Variants in AK5 observed in about 807,000 individuals in gnomAD.
The protein encoded by AK5 is adenylate kinase isoenzyme 5.
AK5 carries 27 observed loss-of-function variants against 69.5 expected under a neutral mutation model. The observed-to-expected ratio is 0.39, with a 90% CI of 0.29 to 0.54. The LOEUF is 0.54. AK5 is among the 20% of genes least tolerant of loss of function. AK5 has a pLI of 0.71. For missense variants in AK5, 531 were observed against 700.4 expected (o/e 0.76, Z 2.73); for synonymous variants, 260 against 244.4 (o/e 1.06, Z -0.60).
At chr1:77,446,880 C>G (rs917247458) in intron 8 of AK5, among the ~76,000 whole-genome samples, 1 of 152,216 alleles carries the variant, frequency 6.6e-6, no homozygotes, top group African/African-American at 2.4e-5. Flanking sequence ...CAAGTTGTAG[C>G]TGACACACTG....
chr1:77,382,970 CA>C, intron 6 of AK5, among the ~76,000 whole-genome samples: 1 of 152,150 alleles, frequency 6.6e-6, no homozygotes, highest in Non-Finnish European at 1.5e-5. Context: ...AAAAGAAATA[CA>C]AAGAGAACAA....
chr1:77,493,329 C>CG (rs1025984539), intron 10 of AK5, among the ~76,000 whole-genome samples: 419 of 107,542 alleles, frequency 3.9e-3, no homozygotes, highest in Non-Finnish European at 3.5e-3. Context: ...ACACCAGCAG[C>CG]CCCCCCCAGG....
chr1:77,392,880 C>G (rs1336172546), intron 6 of AK5, among the ~76,000 whole-genome samples: 1 of 151,802 alleles, frequency 6.6e-6, no homozygotes. Flanking sequence ...CCCATTTTGC[C>G]CTTCCAACCA....
At chr1:77,538,292 T>C (rs1316312056) in intron 13 of AK5, among the ~76,000 whole-genome samples, 6 of 150,680 alleles carry the variant, frequency 4.0e-5, no homozygotes, top group Non-Finnish European at 7.4e-5. Context: ...TTTGCCATGA[T>C]CGCACCACTG....
chr1:77,503,653 G>A (rs936089965), intron 10 of AK5, among the ~76,000 whole-genome samples: 5 of 152,126 alleles, frequency 3.3e-5, no homozygotes, highest in African/African-American at 1.2e-4. Context: ...TATAATCCCA[G>A]CACTTTGGGA....
chr1:77,325,887 A>T (rs72679521), intron 5 of AK5, among the ~76,000 whole-genome samples: 3,239 of 152,212 alleles, frequency 0.021, 52 homozygotes, highest in Middle Eastern at 0.041. Flanking sequence ...GTTTAAAAAG[A>T]AAAAGAAATG....
At chr1:77,322,552 G>A (rs1347688424) in intron 5 of AK5, among the ~76,000 whole-genome samples, 1 of 152,066 alleles carries the variant, frequency 6.6e-6, no homozygotes, top group Non-Finnish European at 1.5e-5. Context: ...TTTAAAAAAA[G>A]CAAAAACAAA....
In AK5 at chr1:77,290,527, AG is replaced by A. The variant is rs1335735113; in HGVS notation, c.248-3265del. ...TAAATTATTGGCTGACTGTCTTTAA[AG>A]CATTAAATATGAGATAAGCATCCCT... is the stretch of plus-strand genomic sequence containing the variant. On this transcript the variant is annotated intron_variant, in intron 2 of 13. Transcript: ENST00000354567. 1.3e-5 allele frequency among the ~76,000 whole-genome samples: 2 copies of A among 152,250 alleles called. 1 individual carries two copies. The highest frequency in any genetic ancestry group is 2.9e-5 in the Non-Finnish European group (2 of 68,050).
At chr1:77,406,668 C>T (rs1219309549) in intron 6 of AK5, among the ~76,000 whole-genome samples, 2 of 150,208 alleles carry the variant, frequency 1.3e-5, no homozygotes, top group Admixed American at 1.3e-4. Flanking sequence ...AATCTTAGCT[C>T]TTCTGCATGC....
intron 1 of AK5, among the ~76,000 whole-genome samples, chr1:77,285,450 A>C (rs1046911167): frequency 2.0e-5 from 3 of 152,234 alleles, no homozygotes; most frequent in African/African-American, 7.2e-5. Context: ...AGAATTGCCT[A>C]CCATTCTGAG....
chr1:77,308,978 A>G (rs1336494762), intron 5 of AK5, among the ~76,000 whole-genome samples: 1 of 151,834 alleles, frequency 6.6e-6, no homozygotes, highest in African/African-American at 2.4e-5. Context: ...TAAAAAAAAA[A>G]AGACAACCGA....
At chr1:77,286,340 G>A (rs139911075) in intron 1 of AK5, among the ~76,000 whole-genome samples, 1 of 150,292 alleles carries the variant, frequency 6.7e-6, no homozygotes, top group East Asian at 1.9e-4. Flanking sequence ...TCACTGTGAT[G>A]AAGTGAATGG....
At chr1:77,420,448 T>G (rs1342036379) in intron 8 of AK5, 2 of 152,202 alleles carry the variant, frequency 1.3e-5, no homozygotes, top group Non-Finnish European at 2.9e-5. Flanking sequence ...GGAATGACAA[T>G]TTTGTTTGCA....
chr1:77,405,537 C>T (rs1018698434), intron 6 of AK5, among the ~76,000 whole-genome samples: 1 of 152,202 alleles, frequency 6.6e-6, no homozygotes, highest in African/African-American at 2.4e-5. Flanking sequence ...ATTGTGGGAT[C>T]TCCTGCAGAG....
At chr1:77,502,792 AGT>A (rs1347032898) in intron 10 of AK5, among the ~76,000 whole-genome samples, 1 of 152,166 alleles carries the variant, frequency 6.6e-6, no homozygotes, top group African/African-American at 2.4e-5. Context: ...GAACATAGCA[AGT>A]AGGCAGAAGC....
chr1:77,468,709 C>A (rs1179824791), intron 8 of AK5, among the ~76,000 whole-genome samples: 1 of 152,196 alleles, frequency 6.6e-6, no homozygotes, highest in East Asian at 1.9e-4. Context: ...GTGTTTGGTA[C>A]TTGGTTGAAT....
intron 8 of AK5, among the ~76,000 whole-genome samples, chr1:77,480,454 G>A (rs1334958874): frequency 1.3e-5 from 2 of 152,180 alleles, no homozygotes; most frequent in African/African-American, 2.4e-5. Context: ...GCCTGGCAGA[G>A]GTCAGATGGG....
intron 6 of AK5, among the ~76,000 whole-genome samples, chr1:77,402,750 A>AG (rs1163470324): frequency 6.6e-5 from 10 of 152,124 alleles, no homozygotes; most frequent in African/African-American, 2.2e-4. Context: ...GTGCCGCAAT[A>AG]AACATACGTG....
At chr1:77,360,227 AG>A (rs1392380945) in intron 6 of AK5, among the ~76,000 whole-genome samples, 1 of 152,220 alleles carries the variant, frequency 6.6e-6, no homozygotes, top group African/African-American at 2.4e-5. Flanking sequence ...GGACTGATAG[AG>A]GAAGAAGAGT....
Sources: gnomAD v4.1 joint callset for allele counts (sites outside exome capture counted in the v4.1 genomes callset) on GRCh38, gnomAD v4.1.1 for gene constraint, MANE v1.5 for transcripts, NCBI Gene and HGNC (gene_info 2026-07-23, HGNC 2026-07-21) for gene names.